Variants in HOXA3 observed in about 807,000 individuals in gnomAD.
HOXA3 encodes the protein homeobox A3, also known as homeobox protein Hox-A3.
HOXA3 carries 8 observed loss-of-function variants against 30.3 expected under a neutral mutation model. That is an observed-to-expected ratio of 0.26 (90% confidence interval 0.15 to 0.48). The LOEUF (loss-of-function observed/expected upper bound fraction) is 0.48, where lower values mean the gene tolerates loss of function less well. Ranked by LOEUF, HOXA3 falls within the 20% of genes least tolerant of loss-of-function variation. HOXA3 has a pLI of 0.99. For missense variants in HOXA3, 653 were observed against 614.4 expected, an observed-to-expected ratio of 1.06 and a Z score of -0.66; for synonymous variants, 323 against 273.1, an observed-to-expected ratio of 1.18 and a Z score of -1.80.
Position 27,114,829 on chromosome 7 carries a change from TATATATTATATATATA to T in HOXA3, c.-120-4085_-120-4070del, listed in dbSNP as rs1562714474. On this transcript the variant is annotated intron_variant, in intron 4 of 5. Transcript: ENST00000612286. ...TCCTAAAACATACATATATATATAA[TATATATTATATATATA>T]ATATATATTATATATATAATATATA... Among the ~76,000 whole-genome samples the T allele has an allele frequency of 1.6e-3, 100 of 64,172 alleles. 2 individuals are homozygous for T. The highest frequency in any genetic ancestry group is 4.7e-3 in the African/African-American group (97 of 20,850). 42.1% of individuals were successfully genotyped at this position (64,172 alleles called of 152,430 possible). A position where few individuals can be genotyped will look rare whatever the true frequency, so the allele number is the denominator to read the frequency against.
intron 2 of HOXA3, among the ~76,000 whole-genome samples, chr7:27,133,379 TA>T (rs1562724429): frequency 6.6e-6 from 1 of 152,168 alleles, no homozygotes; most frequent in Non-Finnish European, 1.5e-5. Flanking sequence ...ACTCAATTAA[TA>T]AACAAACTGA....
chr7:27,130,188 C>A, intron 2 of HOXA3: 1 of 1,585,184 alleles, frequency 6.3e-7, no homozygotes, highest in South Asian at 1.1e-5. Flanking sequence ...CCAGCGGGCT[C>A]TTGTCGGCCA....
chr7:27,110,512 G>C lies in HOXA3; in HGVS notation c.129C>G (p.Gly43=). Residue 43 remains glycine, a synonymous_variant, in exon 5 of 6, where the codon GGC becomes GGG. Coordinates refer to ENST00000612286, the MANE Select transcript of HOXA3 (RefSeq NM_153631.3). ...GGGAGCAGGCGGGTCGGTGGTACTCGCCGTCGGCGCCCAAAGCGGCGGACG... is the reference window on the plus strand; with the variant it reads ...GGGAGCAGGCGGGTCGGTGGTACTCCCCGTCGGCGCCCAAAGCGGCGGACG... ...YPASAALGAD[G]EYHRPACSLQ... is the part of the protein sequence containing the mutation. 2 of 1,605,600 alleles carry C rather than the reference G, an allele frequency of 1.2e-6. No homozygotes were observed. Among genetic ancestry groups the C allele is most frequent in the Non-Finnish European group, 1.7e-6 (2 of 1,174,248 alleles).
intron 4 of HOXA3, chr7:27,114,002 C>T (rs1216917474): frequency 6.8e-6 from 1 of 146,126 alleles, no homozygotes; most frequent in Non-Finnish European, 1.5e-5. Context: ...GGGTATGTTT[C>T]TTATGAATAT....
At chr7:27,126,285 A>C (rs1031434426) in intron 3 of HOXA3, among the ~76,000 whole-genome samples, 5 of 152,176 alleles carry the variant, frequency 3.3e-5, no homozygotes, top group African/African-American at 1.2e-4. Flanking sequence ...GTCATGCACA[A>C]CTTGGCTCTG....
At chr7:27,143,443 G>T (rs370086397) in intron 1 of HOXA3, 9 of 1,613,366 alleles carry the variant, frequency 5.6e-6, no homozygotes, top group Non-Finnish European at 6.8e-6. Flanking sequence ...AGCGGCCGAC[G>T]CTGAGATCCA....
intron 5 of HOXA3, among the ~76,000 whole-genome samples, chr7:27,109,042 C>A (rs1784210827): frequency 6.6e-6 from 1 of 152,196 alleles, no homozygotes; most frequent in African/African-American, 2.4e-5. Flanking sequence ...GCCTATCGGA[C>A]AACAGCCTCC....
chr7:27,145,630 A>C, intron 1 of HOXA3: 2 of 1,600,374 alleles, frequency 1.2e-6, no homozygotes, highest in Non-Finnish European at 1.7e-6. Context: ...AGGAGGTTGC[A>C]GCGCTGGCCT....
chr7:27,110,051 T>TG, intron 5 of HOXA3, 64 bp downstream of exon 5: 1 of 1,590,422 alleles, frequency 6.3e-7, no homozygotes. Context: ...CTGGATGTCG[T>TG]GGGCAGTAGC....
intron 4 of HOXA3, among the ~76,000 whole-genome samples, chr7:27,111,136 T>G (rs1784352183): frequency 6.6e-6 from 1 of 152,112 alleles, no homozygotes; most frequent in Non-Finnish European, 1.5e-5. Flanking sequence ...CTCCTTGGCC[T>G]CCTCCAGAGG....
intron 2 of HOXA3, among the ~76,000 whole-genome samples, chr7:27,132,666 C>A (rs931201901): frequency 3.9e-5 from 6 of 152,160 alleles, no homozygotes; most frequent in Non-Finnish European, 8.8e-5. Context: ...CTTTAGCCAT[C>A]CTCTCTAGAC....
At chr7:27,111,004 C>T (rs1385495804) in intron 4 of HOXA3, among the ~76,000 whole-genome samples, 1 of 152,158 alleles carries the variant, frequency 6.6e-6, no homozygotes, top group Non-Finnish European at 1.5e-5. Context: ...TGAGTGAGGG[C>T]TGCAAGCTGA....
At chr7:27,151,657 C>G (rs1185370085) in intron 1 of HOXA3, 1 of 456,740 alleles carries the variant, frequency 2.2e-6, no homozygotes, top group South Asian at 1.5e-5. Flanking sequence ...AAGCCGGCAA[C>G]GAGCGGAGAA....
intron 2 of HOXA3, among the ~76,000 whole-genome samples, chr7:27,127,418 G>A (rs935698304): frequency 6.6e-6 from 1 of 152,168 alleles, no homozygotes; most frequent in Non-Finnish European, 1.5e-5. Flanking sequence ...GGGCAGCAGG[G>A]GTGAAAGGGG....
At chr7:27,120,055 C>G (rs115689319) in intron 4 of HOXA3, among the ~76,000 whole-genome samples, 33 of 152,196 alleles carry the variant, frequency 2.2e-4, no homozygotes, top group African/African-American at 7.9e-4. Context: ...TCACTCCTCT[C>G]ATTCTTACTG....
At chr7:27,129,628 AAAG>A in intron 2 of HOXA3, 1 of 1,590,986 alleles carries the variant, frequency 6.3e-7, no homozygotes. Context: ...GAAGAGAGGG[AAAG>A]GAGGAGGAGA....
At chr7:27,148,293 C>T (rs1462822679) in intron 1 of HOXA3, among the ~76,000 whole-genome samples, 1 of 152,260 alleles carries the variant, frequency 6.6e-6, no homozygotes, top group African/African-American at 2.4e-5. Flanking sequence ...CCAGAGTTGC[C>T]CCTCCCCTAG....
Position 27,122,546 on chromosome 7 carries a change from GA to G in HOXA3, c.-121+12del, listed in dbSNP as rs1785071335. Reference sequence around the variant, plus strand: ...AAGTCCCACGCGGCGAAGAGTTTTGGAGCAGCGCTTACCTAGAAAGATGTTT... The same window carrying G: ...AAGTCCCACGCGGCGAAGAGTTTTGGGCAGCGCTTACCTAGAAAGATGTTT... On this transcript the variant is annotated intron_variant, in intron 4 of 5. Transcript: ENST00000612286. 1 of 152,204 alleles carries G rather than the reference GA, an allele frequency of 6.6e-6. No homozygotes were observed. Among genetic ancestry groups the G allele is most frequent in the South Asian group, 2.1e-4 (1 of 4,828 alleles). 9.4% of individuals were successfully genotyped at this position (152,204 alleles called of 1,614,324 possible).
At chr7:27,127,981 G>A (rs2128053198) in intron 2 of HOXA3, among the ~76,000 whole-genome samples, 1 of 152,338 alleles carries the variant, frequency 6.6e-6, no homozygotes, top group African/African-American at 2.4e-5. Flanking sequence ...AGTTAGTGAA[G>A]AGGACCTTAA....
Sources: allele counts gnomAD v4.1 joint callset (sites outside exome capture counted in the v4.1 genomes callset), GRCh38; gene constraint gnomAD v4.1.1; transcripts MANE v1.5; gene names NCBI Gene and HGNC (gene_info 2026-07-23, HGNC 2026-07-21).